EEFSEC: variants seen among roughly 807,000 people sequenced by gnomAD.
EEFSEC encodes the protein eukaryotic elongation factor, selenocysteine-tRNA specific, also known as selenocysteine-specific elongation factor.
EEFSEC carries 43 observed loss-of-function variants against 42.1 expected under a neutral mutation model. That is an observed-to-expected ratio of 1.02 (90% CI 0.80 to 1.32). EEFSEC has a LOEUF of 1.32. Ranked by LOEUF, EEFSEC falls within the 40% of genes most tolerant of loss-of-function variation. EEFSEC has a pLI of 0.00. For synonymous variants in EEFSEC, 354 were observed against 339.1 expected, an observed-to-expected ratio of 1.04 and a Z score of -0.48; for missense variants, 745 against 803.6, an observed-to-expected ratio of 0.93 and a Z score of 0.88.
intron 2 of EEFSEC, among the ~76,000 whole-genome samples, chr3:128,247,590 A>G (rs1464309593): frequency 1.3e-5 from 2 of 152,250 alleles, no homozygotes; most frequent in African/African-American, 4.8e-5. Flanking sequence ...TGCTGCTGGA[A>G]GCCAGACTAG....
At chr3:128,412,243 A>T (rs952508002), downstream of EEFSEC, among the ~76,000 whole-genome samples, 1 of 152,174 alleles carries the variant, frequency 6.6e-6, no homozygotes, top group African/African-American at 2.4e-5. Context: ...TTATCACTCT[A>T]TTCTACAGGA....
At chr3:128,255,063 AG>A (rs1173276019) in intron 2 of EEFSEC, among the ~76,000 whole-genome samples, 1 of 152,176 alleles carries the variant, frequency 6.6e-6, no homozygotes, top group Non-Finnish European at 1.5e-5. Flanking sequence ...CAGGAATTAG[AG>A]GCCAGGAGGC....
At chr3:128,231,198 G>T (rs896078724) in intron 1 of EEFSEC, among the ~76,000 whole-genome samples, 22 of 152,166 alleles carry the variant, frequency 1.4e-4, no homozygotes, top group African/African-American at 5.1e-4. Flanking sequence ...ATGGGTTGTT[G>T]CTTGGCACTG....
chr3:128,289,380 A>G (rs7373998), intron 4 of EEFSEC, among the ~76,000 whole-genome samples: 127,593 of 152,228 alleles, frequency 0.84, 53,973 homozygotes, highest in East Asian at 0.99. Context: ...TGCAGGCTCT[A>G]GAGCCATATC....
At chr3:128,274,329 A>G (rs1355588558) in intron 4 of EEFSEC, among the ~76,000 whole-genome samples, 11 of 152,090 alleles carry the variant, frequency 7.2e-5, no homozygotes, top group Non-Finnish European at 1.3e-4. Context: ...AAAGAGGAGG[A>G]GGAAAGGGGC....
At chr3:128,223,400 G>A (rs1297944614) in intron 1 of EEFSEC, among the ~76,000 whole-genome samples, 4 of 152,176 alleles carry the variant, frequency 2.6e-5, no homozygotes, top group Non-Finnish European at 5.9e-5. Flanking sequence ...TGGATTTGCA[G>A]CCAGCTGGTC....
At position 128,171,796 on chromosome 3, in the gene EEFSEC, A is replaced by C. The variant is rs1341141694; in HGVS notation, c.316+17973A>C. 2.0e-5 allele frequency among the ~76,000 whole-genome samples: 3 copies of C among 151,906 alleles called. 1 individual carries two copies. Among genetic ancestry groups the C allele is most frequent in the Admixed American group, 2.0e-4 (3 of 15,250 alleles). Reference sequence around the variant, plus strand: ...CCAGAAAGACATAGCTGGCCCTCCAAATCTGTGGATTCAACCAATTGAAGA... The same window carrying C: ...CCAGAAAGACATAGCTGGCCCTCCACATCTGTGGATTCAACCAATTGAAGA... On this transcript the variant is annotated intron_variant, in intron 1 of 6. Coordinates refer to ENST00000254730, the MANE Select transcript of EEFSEC (RefSeq NM_021937.5).
At chr3:128,195,297 A>T (rs2065572934) in intron 1 of EEFSEC, among the ~76,000 whole-genome samples, 1 of 152,250 alleles carries the variant, frequency 6.6e-6, no homozygotes, top group Admixed American at 6.5e-5. Context: ...ATCAAAACAC[A>T]GCTGACTTGC....
intron 4 of EEFSEC, 26 bp from the exon 5 acceptor site, chr3:128,341,207 G>A (rs560101589): frequency 3.1e-5 from 49 of 1,571,144 alleles, no homozygotes; most frequent in Non-Finnish European, 3.7e-5. Flanking sequence ...TTGGTTTCAT[G>A]TGCTCTCTTG....
chr3:128,247,518 T>C (rs2066140553), intron 2 of EEFSEC, among the ~76,000 whole-genome samples: 1 of 152,246 alleles, frequency 6.6e-6, no homozygotes, highest in Non-Finnish European at 1.5e-5. Context: ...TTTTGGTAGA[T>C]GACTGGTTGT....
chr3:128,419,664 AG>A, the EEFSEC span, among the ~76,000 whole-genome samples: 1 of 152,208 alleles, frequency 6.6e-6, no homozygotes, highest in Non-Finnish European at 1.5e-5. Context: ...AGCGAGGGAA[AG>A]GTTCTGTGCA....
intron 4 of EEFSEC, among the ~76,000 whole-genome samples, chr3:128,302,808 T>C (rs1255415823): frequency 6.6e-6 from 1 of 152,210 alleles, no homozygotes; most frequent in Non-Finnish European, 1.5e-5. Context: ...ATAAAGCTAT[T>C]TTAAAAATTA....
At chr3:128,204,744 AGTGTGCTGAGCAGTCT>A (rs2065675445) in intron 1 of EEFSEC, among the ~76,000 whole-genome samples, 1 of 152,004 alleles carries the variant, frequency 6.6e-6, no homozygotes, top group Admixed American at 6.6e-5. Flanking sequence ...GGGCATGGTA[AGTGTGCTGAGCAGTCT>A]GTGCGTCAGT....
intron 1 of EEFSEC, among the ~76,000 whole-genome samples, chr3:128,211,347 G>T (rs1469329737): frequency 6.6e-6 from 1 of 152,054 alleles, no homozygotes; most frequent in Non-Finnish European, 1.5e-5. Context: ...TTGAACTCCT[G>T]GGTTCAAGGA....
intron 5 of EEFSEC, among the ~76,000 whole-genome samples, chr3:128,354,617 C>G (rs1415018968): frequency 6.6e-6 from 1 of 152,224 alleles, no homozygotes; most frequent in African/African-American, 2.4e-5. Context: ...GGGGTCATCT[C>G]TGTCTGGCAT....
At chr3:128,286,635 G>A (rs1379749332) in intron 4 of EEFSEC, among the ~76,000 whole-genome samples, 1 of 152,170 alleles carries the variant, frequency 6.6e-6, no homozygotes, top group African/African-American at 2.4e-5. Context: ...ACTATAAGGT[G>A]TTCCAGGCTC....
intron 1 of EEFSEC, among the ~76,000 whole-genome samples, chr3:128,180,750 G>A (rs191564669): frequency 9.8e-5 from 15 of 152,306 alleles, no homozygotes; most frequent in East Asian, 5.8e-4. Flanking sequence ...CAGAACCTGC[G>A]AGCTAGTGTG....
chr3:128,411,627 G>C (rs1310351552), downstream of EEFSEC, among the ~76,000 whole-genome samples: 2 of 152,168 alleles, frequency 1.3e-5, no homozygotes, highest in Non-Finnish European at 2.9e-5. Flanking sequence ...CCGACATCCT[G>C]CCATGGGCTG....
At chr3:128,271,343 C>G (rs2066410879) in intron 4 of EEFSEC, among the ~76,000 whole-genome samples, 2 of 152,234 alleles carry the variant, frequency 1.3e-5, no homozygotes, top group East Asian at 3.8e-4. Flanking sequence ...GCTCTCAAGG[C>G]TGAGCTCCCT....
Sources: gnomAD v4.1 joint callset for allele counts (sites outside exome capture counted in the v4.1 genomes callset) on GRCh38, gnomAD v4.1.1 for gene constraint, MANE v1.5 for transcripts, NCBI Gene and HGNC (gene_info 2026-07-23, HGNC 2026-07-21) for gene names.